The following TRMT11 variants were observed in gnomAD, a reference collection of about 807,000 sequenced individuals.
TRMT11 encodes tRNA (guanine(10)-N(2))-methyltransferase TRMT11.
Under a neutral mutation model 62.8 loss-of-function variants are expected in TRMT11, and 53 were observed. The ratio of observed to expected loss-of-function variants is 0.84; its 90% CI spans 0.68 to 1.06. TRMT11 has a LOEUF of 1.06. Among genes scored for constraint, TRMT11 ranks in the 50% least tolerant of loss-of-function variants. TRMT11 has a pLI of 0.00. For synonymous variants in TRMT11, 188 were observed against 190.3 expected (o/e 0.99, Z 0.10); for missense variants, 556 against 553.4 (o/e 1.00, Z -0.05).
At chr6:126,022,179 G>A (rs1449262891) in intron 12 of TRMT11, among the ~76,000 whole-genome samples, 3 of 148,674 alleles carry the variant, frequency 2.0e-5, no homozygotes, top group Non-Finnish European at 4.4e-5. Context: ...GAGTAGCTGG[G>A]ATTACAGGTG....
chr6:126,103,650 A>G (rs1777428831), intron 17 of TRMT11, among the ~76,000 whole-genome samples: 1 of 152,170 alleles, frequency 6.6e-6, no homozygotes, highest in Non-Finnish European at 1.5e-5. Flanking sequence ...CTTGCTAGCT[A>G]TCAGATTAAG....
chr6:126,264,205 T>C, the TRMT11 span, among the ~76,000 whole-genome samples: 1 of 152,216 alleles, frequency 6.6e-6, no homozygotes. Flanking sequence ...AACTACTTTC[T>C]ATTGTATTTT....
chr6:126,094,145 TG>T (rs2128171586), intron 17 of TRMT11, among the ~76,000 whole-genome samples: 1 of 152,220 alleles, frequency 6.6e-6, no homozygotes, highest in Non-Finnish European at 1.5e-5. Flanking sequence ...TTATTGCTGT[TG>T]GCTCTGACTC....
intron 17 of TRMT11, among the ~76,000 whole-genome samples, chr6:126,077,290 A>G (rs533851134): frequency 1.1e-4 from 16 of 152,288 alleles, no homozygotes; most frequent in Non-Finnish European, 4.4e-5. Flanking sequence ...CAATTTTTAC[A>G]TGTAAAACTA....
At chr6:126,216,166 A>T in the TRMT11 span, among the ~76,000 whole-genome samples, 9 of 152,128 alleles carry the variant, frequency 5.9e-5, no homozygotes, top group Non-Finnish European at 2.9e-5. Context: ...CTCTTGCAGG[A>T]CAGGTATGGT....
chr6:126,136,893 G>A (rs1226881148), intron 21 of TRMT11, among the ~76,000 whole-genome samples: 2 of 151,020 alleles, frequency 1.3e-5, no homozygotes, highest in African/African-American at 4.9e-5. Flanking sequence ...GAAAAGGACA[G>A]TCTCTTTAAT....
chr6:126,004,026 C>T (rs1792950087), intron 7 of TRMT11, among the ~76,000 whole-genome samples: 1 of 152,026 alleles, frequency 6.6e-6, no homozygotes, highest in Non-Finnish European at 1.5e-5. Context: ...TTACCTTTTT[C>T]CAAATGCTAA....
At chr6:126,024,930 T>G (rs572550957) in intron 12 of TRMT11, among the ~76,000 whole-genome samples, 3 of 152,354 alleles carry the variant, frequency 2.0e-5, no homozygotes, top group Admixed American at 6.5e-5. Context: ...TAACTAACAT[T>G]TATGTGCCAG....
At chr6:126,022,155 T>C (rs950736497) in intron 12 of TRMT11, among the ~76,000 whole-genome samples, 1 of 145,774 alleles carries the variant, frequency 6.9e-6, no homozygotes, top group Non-Finnish European at 1.5e-5. Flanking sequence ...GTGATTCTCC[T>C]GCCTCAGCCT....
rs1395400128 is a variant in TRMT11 at position 125,998,550 on chromosome 6, G to A, written c.388G>A (p.Ala130Thr). ...TQEEKIKRID[A>T]LEFLPFEGKV... ...TCAGCATTTCTTTTGTTTCTTTTAG[G>A]CACTTGAATTTCTGCCATTTGAAGG... is the stretch of plus-strand genomic sequence containing the variant. The change falls in exon 6 of 13, where the codon GCA becomes ACA. Residue 130 changes from alanine (A) to threonine (T), a missense_variant and splice_region_variant. Ala to Thr is a moderately conservative substitution (Grantham distance 58). Transcript: ENST00000334379. The A allele has an allele frequency of 2.5e-6, 4 of 1,610,246 alleles. No individual in the cohort carries two copies. The highest frequency in any genetic ancestry group is 3.4e-6 in the Non-Finnish European group (4 of 1,178,830).
intron 12 of TRMT11, among the ~76,000 whole-genome samples, chr6:126,022,141 T>A (rs1192975210): frequency 7.0e-6 from 1 of 143,702 alleles, no homozygotes; most frequent in African/African-American, 2.6e-5. Context: ...CCTTCTGGTT[T>A]CAAGTGATTC....
intron 1 of TRMT11, among the ~76,000 whole-genome samples, chr6:126,186,467 G>T (rs1350389752): frequency 6.6e-6 from 1 of 152,070 alleles, no homozygotes; most frequent in African/African-American, 2.4e-5. Context: ...GAACTAAAAA[G>T]CTACATCAAA....
At chr6:126,009,515 C>A (rs1327041008) in intron 8 of TRMT11, 1 of 151,724 alleles carries the variant, frequency 6.6e-6, no homozygotes, top group Non-Finnish European at 1.5e-5. Context: ...TGGGATCAGC[C>A]CTTATAATAC....
intron 17 of TRMT11, among the ~76,000 whole-genome samples, chr6:126,071,691 A>G (rs776702045): frequency 1.2e-4 from 18 of 150,814 alleles, no homozygotes; most frequent in South Asian, 2.1e-4. Context: ...GCTAAAGTGA[A>G]CTCTTCCAAG....
intron 1 of TRMT11, among the ~76,000 whole-genome samples, chr6:125,992,888 T>C (rs1363859862): frequency 2.0e-5 from 3 of 152,200 alleles, no homozygotes; most frequent in African/African-American, 4.8e-5. Flanking sequence ...TAAAAAATGA[T>C]TTGTTGCATA....
At chr6:126,001,436 A>G (rs769343787) in intron 7 of TRMT11, among the ~76,000 whole-genome samples, 2 of 151,996 alleles carry the variant, frequency 1.3e-5, no homozygotes, top group Non-Finnish European at 2.9e-5. Flanking sequence ...GGATTAGGTT[A>G]TACATTCCCA....
chr6:126,033,318 C>T (rs983257069), intron 12 of TRMT11, among the ~76,000 whole-genome samples: 1 of 152,090 alleles, frequency 6.6e-6, no homozygotes, highest in Non-Finnish European at 1.5e-5. Context: ...AATGTGACTA[C>T]AGAACATACA....
chr6:126,159,328 T>C (rs1003475027), intron 21 of TRMT11, among the ~76,000 whole-genome samples: 5 of 152,304 alleles, frequency 3.3e-5, no homozygotes, highest in African/African-American at 7.2e-5. Context: ...ATATGGTCTC[T>C]GTCATGACTA....
intron 17 of TRMT11, among the ~76,000 whole-genome samples, chr6:126,083,366 G>A (rs1197966548): frequency 6.6e-6 from 1 of 152,090 alleles, no homozygotes; most frequent in East Asian, 1.9e-4. Context: ...GAAGATCTAT[G>A]ACTCTTTGCA....
Sources: allele counts gnomAD v4.1 joint callset (sites outside exome capture counted in the v4.1 genomes callset), GRCh38; gene constraint gnomAD v4.1.1; transcripts MANE v1.5; gene names NCBI Gene and HGNC (gene_info 2026-07-23, HGNC 2026-07-21).